Variants in NALF1 observed in about 807,000 individuals in gnomAD.
NALF1 encodes NALCN channel auxiliary factor 1, also known as family with sequence similarity 155 member A.
NALF1 carries 3 observed loss-of-function variants against 48.4 expected under a neutral mutation model. The ratio of observed to expected loss-of-function variants is 0.06; its 90% CI spans 0.03 to 0.16. The LOEUF (loss-of-function observed/expected upper bound fraction) is 0.16. Ranked by LOEUF, NALF1 falls within the 10% of genes least tolerant of loss-of-function variation. The probability of loss-of-function intolerance (pLI) is 1.00; values close to 1 mark genes in which losing one functional copy is unlikely to be tolerated. For missense variants in NALF1, 526 were observed against 571.5 expected (o/e 0.92, Z 0.81); for synonymous variants, 262 against 245.7 (o/e 1.07, Z -0.62).
intron 1 of NALF1, among the ~76,000 whole-genome samples, chr13:107,608,350 T>A (rs1435825560): frequency 6.6e-6 from 1 of 152,192 alleles, no homozygotes; most frequent in African/African-American, 2.4e-5. Flanking sequence ...AATACATGAA[T>A]GAAAGAATCT....
At chr13:107,744,575 TC>T (rs1367197961) in intron 1 of NALF1, among the ~76,000 whole-genome samples, 2 of 152,284 alleles carry the variant, frequency 1.3e-5, no homozygotes, top group Admixed American at 1.3e-4. Context: ...AGCACCTGAA[TC>T]TATAGAAATC....
In NALF1 at chr13:107,866,263, C is replaced by T. The variant is rs1310988412; in HGVS notation, c.334G>A (p.Glu112Lys). The T allele has an allele frequency of 1.3e-6, 2 of 1,595,934 alleles. No individual in the cohort carries two copies. Among genetic ancestry groups the T allele is most frequent in the Non-Finnish European group, 1.7e-6 (2 of 1,173,410 alleles). ...TGTGCCTGGGCGGCGGGCGAGGACTCCCCCATGCTCGCCAGGAGCGCGGGC... is the reference window on the plus strand; with the variant it reads ...TGTGCCTGGGCGGCGGGCGAGGACTTCCCCATGCTCGCCAGGAGCGCGGGC... ...SWPALLASMG[E>K]SSPAAQAHRL... The change falls in exon 1 of 3, where the codon GAG becomes AAG. Residue 112 changes from glutamate to lysine, a missense_variant. Glu to Lys is a moderately conservative substitution (Grantham distance 56). Around this residue, in one of 2 missense-constraint regions of NALF1, gnomAD observed 373 missense variants for 355.5 expected, o/e 1.05. Coordinates refer to ENST00000375915, the MANE Select transcript of NALF1 (RefSeq NM_001080396.3). The surrounding 1 kb of genome is among the most constrained non-coding windows in gnomAD (Gnocchi z 4.4).
intron 1 of NALF1, among the ~76,000 whole-genome samples, chr13:107,693,963 C>T (rs1881636841): frequency 6.6e-6 from 1 of 152,156 alleles, no homozygotes; most frequent in South Asian, 2.1e-4. Flanking sequence ...ACCATTAAAT[C>T]GTACATGTAA....
At chr13:107,459,928 G>C (rs778119825) in intron 1 of NALF1, among the ~76,000 whole-genome samples, 1 of 152,056 alleles carries the variant, frequency 6.6e-6, no homozygotes, top group East Asian at 1.9e-4. Context: ...TCTTTGTAGA[G>C]ATGGGGTTTC....
rs537951305 is a variant in NALF1, at chr13:107,181,301, G to A, written c.1088-10515C>T. 2.0e-5 allele frequency among the ~76,000 whole-genome samples: 3 copies of A among 151,448 alleles called. No individual in the cohort carries two copies. In the South Asian group the frequency reaches 6.3e-4, roughly 32 times the overall value. Reference sequence around the variant, plus strand: ...GAATGCCACTTTACTCAGTTAAATTGAGTAAAATATTCTTAAAAATAAAAC... The same window carrying A: ...GAATGCCACTTTACTCAGTTAAATTAAGTAAAATATTCTTAAAAATAAAAC... On this transcript the variant is annotated intron_variant, in intron 2 of 2. Coordinates refer to ENST00000375915, the MANE Select transcript of NALF1 (RefSeq NM_001080396.3).
chr13:107,748,000 A>C (rs939244862), intron 1 of NALF1, among the ~76,000 whole-genome samples: 4 of 152,228 alleles, frequency 2.6e-5, no homozygotes, highest in Non-Finnish European at 5.9e-5. Flanking sequence ...TAAACTATTT[A>C]TAACTGAAAA....
Position 107,455,635 on chromosome 13 carries a change from C to T in NALF1, c.916-244880G>A, listed in dbSNP as rs572559782. 6.8e-4 allele frequency among the ~76,000 whole-genome samples: 104 copies of T among 152,298 alleles called. 1 individual carries two copies. The highest frequency in any genetic ancestry group is 2.5e-3 in the African/African-American group (102 of 41,572). ...AATGTTTAATGACATGTACCCACAA[C>T]TATAGCATCATACAGAGTAGTTTCA... On this transcript the variant is annotated intron_variant, in intron 1 of 2. Coordinates refer to ENST00000375915, the MANE Select transcript of NALF1 (RefSeq NM_001080396.3).
Position 107,811,360 on chromosome 13 carries a change from A to C in NALF1, c.915+54322T>G, listed in dbSNP as rs139996565. 1.0e-3 allele frequency among the ~76,000 whole-genome samples: 154 copies of C among 152,314 alleles called. 5 individuals are homozygous for C. In the East Asian group the frequency reaches 0.025, roughly 24 times the overall value. On this transcript the variant is annotated intron_variant, in intron 1 of 2. Transcript: ENST00000375915. ...TCAAATTAAATGCCACAGTCTATAA[A>C]TGTCCCTGATTCCTGAAATAAATGT...
At chr13:107,830,883 G>T (rs1471161879) in intron 1 of NALF1, among the ~76,000 whole-genome samples, 1 of 152,120 alleles carries the variant, frequency 6.6e-6, no homozygotes, top group Non-Finnish European at 1.5e-5. Flanking sequence ...GGATTAAAAT[G>T]GTACCTTCAC....
chr13:107,506,774 A>G (rs9520467), intron 1 of NALF1, among the ~76,000 whole-genome samples: 91,143 of 151,808 alleles, frequency 0.6, 30,466 homozygotes, highest in Middle Eastern at 0.77. Context: ...ATCTTTATCC[A>G]CTTATCACTT....
intron 1 of NALF1, among the ~76,000 whole-genome samples, chr13:107,451,055 G>A (rs1032513594): frequency 6.6e-6 from 1 of 152,162 alleles, no homozygotes; most frequent in Non-Finnish European, 1.5e-5. Flanking sequence ...CCCTGTAGAT[G>A]AAATAAAAAC....
chr13:107,494,710 T>C (rs901494103), intron 1 of NALF1, among the ~76,000 whole-genome samples: 4 of 152,222 alleles, frequency 2.6e-5, no homozygotes, highest in African/African-American at 9.6e-5. Flanking sequence ...ATAAATAGCA[T>C]GACAGTGTTT....
intron 1 of NALF1, among the ~76,000 whole-genome samples, chr13:107,497,221 A>G (rs79079783): frequency 6.6e-6 from 1 of 152,320 alleles, no homozygotes; most frequent in South Asian, 2.1e-4. Flanking sequence ...ACATGAATGA[A>G]TATAAAAATA....
intron 1 of NALF1, among the ~76,000 whole-genome samples, chr13:107,673,525 AAAAT>A (rs1462607890): frequency 6.6e-6 from 1 of 152,208 alleles, no homozygotes; most frequent in African/African-American, 2.4e-5. Context: ...TTTTCCAACT[AAAAT>A]AAATAAATAA....
intron 1 of NALF1, among the ~76,000 whole-genome samples, chr13:107,572,827 A>G (rs934908659): frequency 5.9e-5 from 9 of 152,188 alleles, no homozygotes; most frequent in African/African-American, 2.2e-4. Context: ...TTAAAAAATA[A>G]TTCATACAAG....
intron 1 of NALF1, among the ~76,000 whole-genome samples, chr13:107,861,211 T>C (rs1003954888): frequency 6.6e-6 from 1 of 152,146 alleles, no homozygotes; most frequent in African/African-American, 2.4e-5. Context: ...GCTTTACTAA[T>C]GGTTAAAGAA....
intron 1 of NALF1, among the ~76,000 whole-genome samples, chr13:107,354,975 G>C (rs562250652): frequency 7.9e-4 from 121 of 152,316 alleles, no homozygotes; most frequent in African/African-American, 2.8e-3. Flanking sequence ...CGTCACTCAA[G>C]GTTTGGAGAG....
intron 1 of NALF1, among the ~76,000 whole-genome samples, chr13:107,536,406 A>C (rs1229978387): frequency 6.6e-6 from 1 of 152,170 alleles, no homozygotes; most frequent in East Asian, 1.9e-4. Flanking sequence ...ACCCCATCAA[A>C]AAGTGGGCAA....
At chr13:107,293,565 T>A (rs1447962138) in intron 1 of NALF1, among the ~76,000 whole-genome samples, 2 of 152,128 alleles carry the variant, frequency 1.3e-5, no homozygotes, top group Non-Finnish European at 2.9e-5. Context: ...AAGAAACAAC[T>A]CCACTTTATA....
Sources: allele counts gnomAD v4.1 joint callset (sites outside exome capture counted in the v4.1 genomes callset), GRCh38; gene constraint gnomAD v4.1.1; regional missense constraint gnomAD v4.1.1; non-coding constraint Gnocchi (gnomAD v3.1); transcripts MANE v1.5; gene names NCBI Gene and HGNC (gene_info 2026-07-23, HGNC 2026-07-21).